PLEKHA8: variants seen among roughly 807,000 people sequenced by gnomAD.
The protein encoded by PLEKHA8 is pleckstrin homology domain-containing family A member 8.
In PLEKHA8, 36 loss-of-function variants were observed where a neutral mutation model predicts 68.2. The ratio of observed to expected loss-of-function variants is 0.53; its 90% CI spans 0.40 to 0.70. PLEKHA8 has a LOEUF of 0.70. Ranked by LOEUF, PLEKHA8 falls within the 30% of genes least tolerant of loss-of-function variation. The pLI, the probability that PLEKHA8 is intolerant of heterozygous loss-of-function variation, is 0.00. For synonymous variants in PLEKHA8, 211 were observed against 216.1 expected, an observed-to-expected ratio of 0.98 and a Z score of 0.20; for missense variants, 505 against 615.4, an observed-to-expected ratio of 0.82 and a Z score of 1.90.
chr7:30,093,114 A>C (rs1795480661), downstream of PLEKHA8, among the ~76,000 whole-genome samples: 1 of 152,196 alleles, frequency 6.6e-6, no homozygotes, highest in Non-Finnish European at 1.5e-5. Flanking sequence ...CAGTGGGGTT[A>C]ACAGAAGAAA....
chr7:30,113,313 C>G lies in PLEKHA8; in HGVS notation c.1363-15953C>G, dbSNP rs552223464. ...TTGCCTAAAAATGTCTTTTTTCTGC[C>G]TGACTTTTGAATTATAGTTTAGCTA... On this transcript the variant is annotated intron_variant, in intron 13 of 13. Coordinates refer to the PLEKHA8 transcript ENST00000396257. Among the ~76,000 whole-genome samples, 31 of 152,234 alleles carry G rather than the reference C, an allele frequency of 2.0e-4. No individual in the cohort carries two copies. The South Asian group carries it at 5.4e-3, about 26-fold the overall frequency.
In PLEKHA8 at chr7:30,078,855, T is replaced by C. The variant is rs1794775915; in HGVS notation, c.*68T>C. On this transcript the variant is annotated 3_prime_UTR_variant, in exon 14 of 14. Transcript: ENST00000449726. Reference sequence around the variant, plus strand: ...AAAGTGTTTTGTTGCCCTACTTAATTTCCAGCAACAGCCTCAACCCTCTCC... The same window carrying C: ...AAAGTGTTTTGTTGCCCTACTTAATCTCCAGCAACAGCCTCAACCCTCTCC... 6.5e-7 allele frequency: 1 copy of C among 1,544,088 alleles called. No individual in the cohort carries two copies. The highest frequency in any genetic ancestry group is 2.0e-5 in the Admixed American group (1 of 50,898).
chr7:30,115,853 TA>T, intron 13 of PLEKHA8: 1 of 149,888 alleles, frequency 6.7e-6, no homozygotes, highest in East Asian at 2.0e-4. Context: ...CACGTATGCA[TA>T]CATACGTGCA....
chr7:30,061,812 C>A, intron 10 of PLEKHA8, 85 bp from the exon 11 acceptor site: 1 of 1,505,718 alleles, frequency 6.6e-7, no homozygotes, highest in South Asian at 1.2e-5. Flanking sequence ...GCCTGCTTGC[C>A]AAACTTACAA....
rs1168692608 is a variant in PLEKHA8 at position 30,081,098 on chromosome 7, A to G, written c.*2311A>G. On this transcript the variant is annotated 3_prime_UTR_variant, in exon 14 of 14. Transcript: ENST00000449726. ...CTCAGCATGGCCATTTTGCATTTGT[A>G]TAGGTAGTGACTAGATGTACACAAC... 4 of 985,266 alleles carry G rather than the reference A, an allele frequency of 4.1e-6. No homozygotes were observed. Among genetic ancestry groups the G allele is most frequent in the East Asian group, 2.3e-4 (2 of 8,832 alleles). 61.0% of individuals were successfully genotyped at this position (985,266 alleles called of 1,614,324 possible). A position where few individuals can be genotyped will look rare whatever the true frequency, so the allele number is the denominator to read the frequency against.
At chr7:30,102,985 C>T (rs2128012504) in intron 13 of PLEKHA8, among the ~76,000 whole-genome samples, 1 of 152,296 alleles carries the variant, frequency 6.6e-6, no homozygotes, top group Non-Finnish European at 1.5e-5. Flanking sequence ...CAGAGGATTG[C>T]CTGAGCCCAG....
At chr7:30,031,619 G>A (rs1172661862) in intron 1 of PLEKHA8, among the ~76,000 whole-genome samples, 1 of 152,206 alleles carries the variant, frequency 6.6e-6, no homozygotes, top group African/African-American at 2.4e-5. Flanking sequence ...TGATGTGATT[G>A]TGTGTGTGCA....
chr7:30,087,729 C>T (rs1199225847), downstream of PLEKHA8, among the ~76,000 whole-genome samples: 1 of 152,180 alleles, frequency 6.6e-6, no homozygotes, highest in Non-Finnish European at 1.5e-5. Context: ...GGCTTTAAGT[C>T]CCTTCACAAA....
intron 12 of PLEKHA8, among the ~76,000 whole-genome samples, chr7:30,065,278 G>A (rs906031915): frequency 1.3e-5 from 2 of 152,240 alleles, no homozygotes; most frequent in South Asian, 2.1e-4. Context: ...TTGTCCTGAT[G>A]TTCAGGCTTA....
chr7:30,060,983 A>C lies in PLEKHA8; in HGVS notation c.1098+41A>C, dbSNP rs777559052. Reference sequence around the variant, plus strand: ...TGTCTCTGTGGAAACTTTTAAATAAAGGAAAATGTTCTCAACATTTTTGTG... The same window carrying C: ...TGTCTCTGTGGAAACTTTTAAATAACGGAAAATGTTCTCAACATTTTTGTG... On this transcript the variant is annotated intron_variant, in intron 10 of 13. Coordinates refer to ENST00000449726, the MANE Select transcript of PLEKHA8 (RefSeq NM_001197026.2). The C allele has an allele frequency of 6.3e-6, 10 of 1,574,926 alleles. No homozygotes were observed. In the African/African-American group the frequency reaches 1.1e-4, roughly 17 times the overall value.
chr7:30,074,117 T>C lies in PLEKHA8; in HGVS notation c.1347T>C (p.Val449=), dbSNP rs747096221. ...TGCGGCAACACCATGGCTGGGTAGT[T>C]CGAGGGGTTTTTGCGGTAAGTGATC... is the stretch of plus-strand genomic sequence containing the variant. ...KTLRQHHGWV[V]RGVFALALRA... The change falls in exon 13 of 14, where the codon GTT becomes GTC. Residue 449 remains valine (V), a synonymous_variant. Coordinates refer to ENST00000449726, the MANE Select transcript of PLEKHA8 (RefSeq NM_001197026.2). 1.2e-4 allele frequency: 194 copies of C among 1,613,238 alleles called. No homozygotes were observed. The highest frequency in any genetic ancestry group is 1.5e-4 in the Non-Finnish European group (178 of 1,179,484).
chr7:30,108,946 T>G (rs1185780056), intron 13 of PLEKHA8, among the ~76,000 whole-genome samples: 1 of 152,184 alleles, frequency 6.6e-6, no homozygotes, highest in Non-Finnish European at 1.5e-5. Context: ...CAAAGTTAAT[T>G]CTCATGGTGG....
At chr7:30,106,819 A>G (rs922945707) in intron 13 of PLEKHA8, among the ~76,000 whole-genome samples, 3 of 152,236 alleles carry the variant, frequency 2.0e-5, no homozygotes, top group Admixed American at 1.3e-4. Context: ...ATTGGGCATT[A>G]TAAGTAATTT....
chr7:30,061,516 A>G (rs1014945971), intron 10 of PLEKHA8, among the ~76,000 whole-genome samples: 18 of 152,354 alleles, frequency 1.2e-4, no homozygotes, highest in Middle Eastern at 3.4e-3. Flanking sequence ...AGGAAGCACT[A>G]TTAGGAATTC....
Position 30,049,382 on chromosome 7 carries a change from G to C in PLEKHA8, c.597G>C (p.Lys199Asn). Residue 199 changes from lysine to asparagine, a missense_variant and splice_region_variant, in exon 5 of 14, where the codon AAG (lysine) becomes AAC (asparagine). Transcript: ENST00000449726. ...SPQLAMLKSS[K>N]MKHPIIPIHN... Reference sequence around the variant, plus strand: ...AGCTGGCCATGCTCAAGTCCAGCAAGGTAAAAGTCCAGCTCAGTTTGGCTG... The same window carrying C: ...AGCTGGCCATGCTCAAGTCCAGCAACGTAAAAGTCCAGCTCAGTTTGGCTG... The C allele has an allele frequency of 6.2e-7, 1 of 1,613,132 alleles. No individual in the cohort carries two copies. Among genetic ancestry groups the C allele is most frequent in the Non-Finnish European group, 8.5e-7 (1 of 1,179,422 alleles).
rs1794797856 is a variant in PLEKHA8, at chr7:30,079,179, T to C, written c.*392T>C. 1 of 1,009,476 alleles carries C rather than the reference T, an allele frequency of 9.9e-7. No homozygotes were observed. The highest frequency in any genetic ancestry group is 4.2e-5 in the South Asian group (1 of 23,936). The allele number at this position is 1,009,476 out of a possible 1,614,324, so 62.5% of individuals were successfully genotyped here. A position where few individuals can be genotyped will look rare whatever the true frequency, so the allele number is the denominator to read the frequency against. On this transcript the variant is annotated 3_prime_UTR_variant, in exon 14 of 14. Transcript: ENST00000449726. ...ATTAAGTACCATAATTCATAGCCAG[T>C]GTTTCAGCCAACTTAGACTAGACAT... is the stretch of plus-strand genomic sequence containing the variant.
At chr7:30,092,879 C>T (rs1795472784), downstream of PLEKHA8, among the ~76,000 whole-genome samples, 1 of 152,140 alleles carries the variant, frequency 6.6e-6, no homozygotes, top group African/African-American at 2.4e-5. Flanking sequence ...ACATTTAGTC[C>T]TGAATCAAGT....
At chr7:30,112,426 CA>C (rs1047571474) in intron 13 of PLEKHA8, among the ~76,000 whole-genome samples, 2 of 150,590 alleles carry the variant, frequency 1.3e-5, no homozygotes, top group Non-Finnish European at 3.0e-5. Context: ...ATTCACATGT[CA>C]AAAAAATCAT....
chr7:30,084,367 A>G lies in PLEKHA8; in HGVS notation c.*5580A>G, dbSNP rs1373212181. 1 of 985,302 alleles carries G rather than the reference A, an allele frequency of 1.0e-6. No individual in the cohort carries two copies. Among genetic ancestry groups the G allele is most frequent in the African/African-American group, 1.7e-5 (1 of 57,244 alleles). 61.0% of individuals were successfully genotyped at this position (985,302 alleles called of 1,614,324 possible). On this transcript the variant is annotated 3_prime_UTR_variant, in exon 14 of 14. Transcript: ENST00000449726. ...TCTCTCAGCATTTTGAATGAGCATC[A>G]TAATCAGAGTAGAAGGCAAGTTAAA...
Sources: gnomAD v4.1 joint callset for allele counts (sites outside exome capture counted in the v4.1 genomes callset) on GRCh38, gnomAD v4.1.1 for gene constraint, MANE v1.5 for transcripts, NCBI Gene and HGNC (gene_info 2026-07-23, HGNC 2026-07-21) for gene names.